ERGIC1: variants seen among roughly 807,000 people sequenced by gnomAD.
The protein encoded by ERGIC1 is endoplasmic reticulum-golgi intermediate compartment 1.
In ERGIC1, 19 loss-of-function variants were observed where a neutral mutation model predicts 38.3. That is an observed-to-expected ratio of 0.50 (90% confidence interval 0.35 to 0.73). The LOEUF is 0.73. ERGIC1 is among the 30% of genes least tolerant of loss of function. The pLI, the probability that ERGIC1 is intolerant of heterozygous loss-of-function variation, is 0.01. For synonymous variants in ERGIC1, 124 were observed against 157.6 expected, an observed-to-expected ratio of 0.79 and a Z score of 1.60; for missense variants, 294 against 389.2, an observed-to-expected ratio of 0.76 and a Z score of 2.06.
Position 172,834,364 on chromosome 5 carries a change from G to T in ERGIC1, c.-50G>T, listed in dbSNP as rs1760974593. On this transcript the variant is annotated 5_prime_UTR_variant, in exon 1 of 10. Transcript: ENST00000393784. The surrounding 1 kb of genome is among the most constrained non-coding windows in gnomAD (Gnocchi z 4.1). ...TTGGCAGCGGGCTCGGACCCACGCGGCGCCGCGGCCCGCCTGGCCTGCAGC... is the reference window on the plus strand; with the variant it reads ...TTGGCAGCGGGCTCGGACCCACGCGTCGCCGCGGCCCGCCTGGCCTGCAGC... 1.1e-5 allele frequency: 14 copies of T among 1,262,234 alleles called. No individual in the cohort carries two copies. The highest frequency in any genetic ancestry group is 1.4e-5 in the Non-Finnish European group (14 of 1,003,972). 78.2% of individuals were successfully genotyped at this position (1,262,234 alleles called of 1,614,324 possible).
intron 1 of ERGIC1, among the ~76,000 whole-genome samples, chr5:172,871,895 T>C (rs1310595559): frequency 6.6e-6 from 1 of 152,196 alleles, no homozygotes; most frequent in Non-Finnish European, 1.5e-5. Context: ...TGTGCCGAAG[T>C]GGAAGTGATC....
rs6865805 is a variant in ERGIC1, at chr5:172,867,484, A to C, written c.21-21215A>C. 2.0e-3 allele frequency: 840 copies of C among 426,922 alleles called. 4 individuals carry two copies. The highest frequency in any genetic ancestry group is 0.016 in the African/African-American group (766 of 49,330). 26.4% of individuals were successfully genotyped at this position (426,922 alleles called of 1,614,324 possible). A position where few individuals can be genotyped will look rare whatever the true frequency, so the allele number is the denominator to read the frequency against. On this transcript the variant is annotated intron_variant, in intron 1 of 9. Coordinates refer to ENST00000393784, the MANE Select transcript of ERGIC1 (RefSeq NM_001031711.3). The stretch of plus-strand genomic sequence containing the variant: ...GAACAACTGCTGGCTGGCCTTGGCC[A>C]CTGCCTCAGTGTTCCAGCCTCTGCC...
intron 3 of ERGIC1, 112 bp downstream of exon 3, chr5:172,897,186 T>G (rs1762743144): frequency 9.9e-7 from 1 of 1,007,264 alleles, no homozygotes; most frequent in African/African-American, 1.6e-5. Flanking sequence ...CCCAACACTT[T>G]GGGAGGCCGA....
At chr5:172,853,035 A>G (rs756430618) in intron 1 of ERGIC1, among the ~76,000 whole-genome samples, 14 of 152,222 alleles carry the variant, frequency 9.2e-5, no homozygotes, top group Admixed American at 2.0e-4. Context: ...CTCTGGGGAA[A>G]GTCACCCTGT....
intron 1 of ERGIC1, among the ~76,000 whole-genome samples, chr5:172,877,849 G>A (rs1209763401): frequency 1.3e-5 from 2 of 152,144 alleles, no homozygotes; most frequent in African/African-American, 4.8e-5. Flanking sequence ...TAATGGGCCA[G>A]GCCCTGCGTG....
chr5:172,851,616 G>T (rs955312573), intron 1 of ERGIC1, among the ~76,000 whole-genome samples: 1 of 152,338 alleles, frequency 6.6e-6, no homozygotes, highest in East Asian at 1.9e-4. Flanking sequence ...ACCTTAAAGC[G>T]GGAGATGTGA....
rs116201997 is a variant in ERGIC1 at position 172,909,451 on chromosome 5, C to T, written c.156-216C>T. ...CTGGGATAACAGGCATGAGCCTCTG[C>T]GCCCAGCCCAGCCCTCCCGTCCTGA... On this transcript the variant is annotated intron_variant, in intron 3 of 9. Transcript: ENST00000393784. Among the ~76,000 whole-genome samples the T allele has an allele frequency of 6.3e-3, 954 of 152,256 alleles. 4 individuals are homozygous for T. Among genetic ancestry groups the T allele is most frequent in the Non-Finnish European group, 9.0e-3 (609 of 68,008 alleles).
intron 1 of ERGIC1, among the ~76,000 whole-genome samples, chr5:172,841,292 A>G (rs1761153721): frequency 6.6e-6 from 1 of 152,212 alleles, no homozygotes; most frequent in South Asian, 2.1e-4. Flanking sequence ...CCATACAGCC[A>G]AGAGCCAGGG....
chr5:172,932,637 C>G, intron 8 of ERGIC1, 101 bp downstream of exon 8: 2 of 1,231,716 alleles, frequency 1.6e-6, no homozygotes, highest in Non-Finnish European at 2.3e-6. Context: ...TCTTCTGATT[C>G]CTTTCTGGAG....
At chr5:172,904,793 G>T (rs1050437010) in intron 3 of ERGIC1, among the ~76,000 whole-genome samples, 23 of 152,166 alleles carry the variant, frequency 1.5e-4, no homozygotes, top group African/African-American at 5.3e-4. Flanking sequence ...GAAGGCGAAG[G>T]CGGCTTTATT....
intron 4 of ERGIC1, among the ~76,000 whole-genome samples, chr5:172,913,883 T>A (rs1047333182): frequency 2.6e-5 from 4 of 152,078 alleles, no homozygotes; most frequent in Non-Finnish European, 5.9e-5. Flanking sequence ...AATGAATGAA[T>A]AAGTGAATGA....
intron 1 of ERGIC1, among the ~76,000 whole-genome samples, chr5:172,851,663 G>A (rs1219722393): frequency 6.6e-6 from 1 of 151,998 alleles, no homozygotes; most frequent in Non-Finnish European, 1.5e-5. Context: ...ACAGGGAGGT[G>A]GGGGGGTATG....
intron 7 of ERGIC1, among the ~76,000 whole-genome samples, chr5:172,929,153 A>ATGTGTGTGTGTGTG (rs70984922): frequency 5.3e-5 from 8 of 150,072 alleles, no homozygotes; most frequent in African/African-American, 1.7e-4. Context: ...ATATATATAT[A>ATGTGTGTGTGTGTG]TGTGTGTGTG....
chr5:172,834,436 G>C lies in ERGIC1; in HGVS notation c.20+3G>C. Reference sequence around the variant, plus strand: ...ACGATGCCCTTTGACTTCAGGAGGTGAGTGTGGCGACCCCGGCCAGTCGGG... The same window carrying C: ...ACGATGCCCTTTGACTTCAGGAGGTCAGTGTGGCGACCCCGGCCAGTCGGG... On this transcript the variant is annotated splice_donor_region_variant and intron_variant, in intron 1 of 9. Transcript: ENST00000393784. The surrounding 1 kb of genome is among the most constrained non-coding windows in gnomAD (Gnocchi z 4.1). The C allele has an allele frequency of 2.2e-6, 3 of 1,334,698 alleles. No homozygotes were observed. Among genetic ancestry groups the C allele is most frequent in the Non-Finnish European group, 2.9e-6 (3 of 1,038,490 alleles). The allele number at this position is 1,334,698 out of a possible 1,614,324, so 82.7% of individuals were successfully genotyped here.
chr5:172,886,601 G>A (rs1419291894), intron 1 of ERGIC1, among the ~76,000 whole-genome samples: 1 of 151,876 alleles, frequency 6.6e-6, no homozygotes, highest in East Asian at 1.9e-4. Flanking sequence ...TGTCAAACAA[G>A]CGTTAATAAT....
In ERGIC1 at chr5:172,904,158, C is replaced by T. The variant is rs539499388; in HGVS notation, c.156-5509C>T. 8.5e-4 allele frequency among the ~76,000 whole-genome samples: 130 copies of T among 152,150 alleles called. 1 individual carries two copies. Among genetic ancestry groups the T allele is most frequent in the Non-Finnish European group, 1.6e-3 (111 of 67,994 alleles). ...CCTCCTTCCTTTCCTTTCTTATTTT[C>T]TTATTTTAGTGAGGTATGTGTAACT... is the stretch of plus-strand genomic sequence containing the variant. On this transcript the variant is annotated intron_variant, in intron 3 of 9. Transcript: ENST00000393784.
intron 1 of ERGIC1, among the ~76,000 whole-genome samples, chr5:172,872,930 G>A (rs1370902600): frequency 6.6e-6 from 1 of 152,172 alleles, no homozygotes; most frequent in African/African-American, 2.4e-5. Context: ...CCCCAAAAGG[G>A]GCACCTTTCA....
rs1261013301 is a variant in ERGIC1 at position 172,845,146 on chromosome 5, C to T, written c.20+10713C>T. 3.9e-5 allele frequency among the ~76,000 whole-genome samples: 6 copies of T among 152,154 alleles called. 1 individual carries two copies. Among genetic ancestry groups the T allele is most frequent in the South Asian group, 4.1e-4 (2 of 4,828 alleles). The stretch of plus-strand genomic sequence containing the variant: ...AAGCTGGCTTTCTTAGCCAGTATCA[C>T]GCCCCAGGAGGGGAGTGTTGTTACC... On this transcript the variant is annotated intron_variant, in intron 1 of 9. Coordinates refer to ENST00000393784, the MANE Select transcript of ERGIC1 (RefSeq NM_001031711.3).
intron 3 of ERGIC1, chr5:172,898,624 C>G (rs1581554312): frequency 2.6e-5 from 4 of 152,336 alleles, no homozygotes; most frequent in East Asian, 3.9e-4. Flanking sequence ...AGGGCCAGGT[C>G]TCTGCTTAAT....
Sources: gnomAD v4.1 joint callset for allele counts (sites outside exome capture counted in the v4.1 genomes callset) on GRCh38, gnomAD v4.1.1 for gene constraint, Gnocchi (gnomAD v3.1) non-coding constraint, MANE v1.5 for transcripts, NCBI Gene and HGNC (gene_info 2026-07-23, HGNC 2026-07-21) for gene names.